Variants in DSCAM observed in about 807,000 individuals in gnomAD.
The protein encoded by DSCAM is cell adhesion molecule DSCAM.
Under a neutral mutation model 217.7 loss-of-function variants are expected in DSCAM, and 47 were observed. The ratio of observed to expected loss-of-function variants is 0.22; its 90% CI spans 0.17 to 0.28. The LOEUF is 0.28. Among genes scored for constraint, DSCAM ranks in the 10% least tolerant of loss-of-function variants. The probability of loss-of-function intolerance (pLI) is 1.00; values close to 1 mark genes in which losing one functional copy is unlikely to be tolerated. For synonymous variants in DSCAM, 1,056 were observed against 1,015.3 expected (o/e 1.04, Z -0.76); for missense variants, 2,080 against 2,618.3 (o/e 0.79, Z 4.49).
In DSCAM at chr21:40,347,770, A is replaced by C. The variant is rs1390417741; in HGVS notation, c.1110T>G (p.Leu370=). Residue 370 remains leucine, a synonymous_variant, in exon 6 of 33, where the codon CTT becomes CTG. Coordinates refer to ENST00000400454, the MANE Select transcript of DSCAM (RefSeq NM_001389.5). ...CACTTTTGACCATGTGATCCATTAT[A>C]AGGTTTTCGTGGTTGATCCCTGTGA... ...VRITGINHEN[L]IMDHMVKSDG... The C allele has an allele frequency of 5.0e-6, 8 of 1,614,126 alleles. No individual in the cohort carries two copies. The highest frequency in any genetic ancestry group is 6.8e-6 in the Non-Finnish European group (8 of 1,180,016).
intron 19 of DSCAM, among the ~76,000 whole-genome samples, chr21:40,129,600 G>A (rs753836437): frequency 6.6e-6 from 1 of 152,132 alleles, no homozygotes; most frequent in Non-Finnish European, 1.5e-5. Flanking sequence ...AAGCCACATG[G>A]TAGAATCTCT....
intron 32 of DSCAM, among the ~76,000 whole-genome samples, chr21:40,017,604 C>G (rs1487511483): frequency 6.6e-6 from 1 of 151,520 alleles, no homozygotes; most frequent in Non-Finnish European, 1.5e-5. Context: ...TCTTGTCGCC[C>G]AGGCTGGAGT....
At chr21:40,381,062 C>CAAAAAAAAAAGAA (rs2075017663) in intron 3 of DSCAM, among the ~76,000 whole-genome samples, 1 of 66,222 alleles carries the variant, frequency 1.5e-5, no homozygotes, top group Non-Finnish European at 2.7e-5. Context: ...GACTCCGTCT[C>CAAAAAAAAAAGAA]AAAAAAAAAA....
intron 3 of DSCAM, among the ~76,000 whole-genome samples, chr21:40,526,508 G>A (rs2076401715): frequency 6.6e-6 from 1 of 152,174 alleles, no homozygotes; most frequent in African/African-American, 2.4e-5. Context: ...CCCCTTTTCA[G>A]GTGTGTAGAA....
At position 40,762,484 on chromosome 21, in the gene DSCAM, C is replaced by T. The variant is rs187980905; in HGVS notation, c.44-53713G>A. Among the ~76,000 whole-genome samples, 10 of 152,052 alleles carry T rather than the reference C, an allele frequency of 6.6e-5. No homozygotes were observed. In the East Asian group the frequency reaches 1.9e-3, roughly 29 times the overall value. ...GGCAGTAAATCAATAGTCTACCAAC[C>T]AAAAAAGCCCAGGACCAGACGGATT... is the stretch of plus-strand genomic sequence containing the variant. On this transcript the variant is annotated intron_variant, in intron 1 of 32. Coordinates refer to ENST00000400454, the MANE Select transcript of DSCAM (RefSeq NM_001389.5).
At position 40,322,521 on chromosome 21, in the gene DSCAM, A is replaced by AT. The variant is rs35377807; in HGVS notation, c.1784-10163dup. On this transcript the variant is annotated intron_variant, in intron 8 of 32. Transcript: ENST00000400454. ...CATGTCATTATAGAAAGCGGGAGCA[A>AT]TTTTTTTTTTTTTGGAGACAGATTC... Among the ~76,000 whole-genome samples, 146 of 148,268 alleles carry AT rather than the reference A, an allele frequency of 9.8e-4. 2 individuals are homozygous for AT. Among genetic ancestry groups the AT allele is most frequent in the South Asian group, 6.4e-3 (30 of 4,674 alleles).
At chr21:40,493,897 C>CAT (rs199609349) in intron 3 of DSCAM, among the ~76,000 whole-genome samples, 1,828 of 137,614 alleles carry the variant, frequency 0.013, 19 homozygotes, top group Non-Finnish European at 0.019. Flanking sequence ...CATATATATA[C>CAT]ATATATATAT....
chr21:40,283,547 T>A (rs2073790072), intron 10 of DSCAM, among the ~76,000 whole-genome samples: 1 of 152,198 alleles, frequency 6.6e-6, no homozygotes, highest in Admixed American at 6.5e-5. Context: ...GAGCCCACTT[T>A]GAAGGCAGCA....
At chr21:40,843,013 G>C (rs971759339) in intron 1 of DSCAM, among the ~76,000 whole-genome samples, 14 of 152,130 alleles carry the variant, frequency 9.2e-5, no homozygotes, top group Non-Finnish European at 1.8e-4. Flanking sequence ...TAATAAAGAT[G>C]GGGGAGAAAG....
chr21:40,703,706 C>T (rs1194502601), intron 2 of DSCAM, among the ~76,000 whole-genome samples: 1 of 152,078 alleles, frequency 6.6e-6, no homozygotes, highest in Non-Finnish European at 1.5e-5. Flanking sequence ...TGCATTTTTT[C>T]TTCACGTGTC....
intron 5 of DSCAM, among the ~76,000 whole-genome samples, chr21:40,352,566 G>T (rs960498357): frequency 2.0e-5 from 3 of 152,130 alleles, no homozygotes; most frequent in Non-Finnish European, 4.4e-5. Flanking sequence ...CCATAAACAG[G>T]GTTAGGGCTG....
At chr21:40,376,452 T>C (rs1280325029) in intron 3 of DSCAM, among the ~76,000 whole-genome samples, 1 of 142,294 alleles carries the variant, frequency 7.0e-6, no homozygotes. Flanking sequence ...TATATAGATA[T>C]CTATATATCT....
chr21:40,266,664 T>TATATATATAC (rs2073536444), intron 11 of DSCAM, among the ~76,000 whole-genome samples: 1 of 131,888 alleles, frequency 7.6e-6, no homozygotes, highest in African/African-American at 3.2e-5. Context: ...TATATATATA[T>TATATATATAC]ATATATAATC....
chr21:40,185,011 A>G (rs2090878037), intron 14 of DSCAM, among the ~76,000 whole-genome samples: 2 of 152,266 alleles, frequency 1.3e-5, no homozygotes, highest in South Asian at 2.1e-4. Context: ...GTGTCTCCAC[A>G]TGTTGGGTGC....
At chr21:40,028,913 C>T (rs942696446) in intron 32 of DSCAM, among the ~76,000 whole-genome samples, 2 of 152,156 alleles carry the variant, frequency 1.3e-5, no homozygotes, top group Non-Finnish European at 2.9e-5. Context: ...GGTGCTCTCC[C>T]TTGAAATGAG....
At chr21:40,730,059 A>G (rs2038079994) in intron 1 of DSCAM, among the ~76,000 whole-genome samples, 1 of 152,178 alleles carries the variant, frequency 6.6e-6, no homozygotes, top group Admixed American at 6.5e-5. Context: ...CCCAGAACCT[A>G]TGAAATGTGG....
intron 8 of DSCAM, among the ~76,000 whole-genome samples, chr21:40,324,987 AT>A (rs1472601366): frequency 5.3e-5 from 8 of 152,210 alleles, no homozygotes; most frequent in African/African-American, 1.9e-4. Flanking sequence ...GATTCATAAA[AT>A]CACTGGTATT....
chr21:40,512,741 C>A (rs755948551), intron 3 of DSCAM, among the ~76,000 whole-genome samples: 1 of 151,948 alleles, frequency 6.6e-6, no homozygotes, highest in Non-Finnish European at 1.5e-5. Flanking sequence ...AGTGCTCTGA[C>A]CTCCCTCGTT....
Position 40,410,753 on chromosome 21 carries a change from A to C in DSCAM, c.509-41508T>G, listed in dbSNP as rs1050782228. ...AAACTGTTGATATAGAATTCTCTATACAGTACAAAAAAAAAAAATTCAAAA... is the reference window on the plus strand; with the variant it reads ...AAACTGTTGATATAGAATTCTCTATCCAGTACAAAAAAAAAAAATTCAAAA... On this transcript the variant is annotated intron_variant, in intron 3 of 32. Coordinates refer to ENST00000400454, the MANE Select transcript of DSCAM (RefSeq NM_001389.5). 1.0e-4 allele frequency among the ~76,000 whole-genome samples: 13 copies of C among 124,840 alleles called. 1 individual carries two copies. The highest frequency in any genetic ancestry group is 3.0e-4 in the African/African-American group (12 of 39,762). 81.9% of individuals were successfully genotyped at this position (124,840 alleles called of 152,430 possible). A position where few individuals can be genotyped will look rare whatever the true frequency, so the allele number is the denominator to read the frequency against.
Sources: allele counts gnomAD v4.1 joint callset (sites outside exome capture counted in the v4.1 genomes callset), GRCh38; gene constraint gnomAD v4.1.1; transcripts MANE v1.5; gene names NCBI Gene and HGNC (gene_info 2026-07-23, HGNC 2026-07-21).